KAZN: variants seen among roughly 807,000 people sequenced by gnomAD.
KAZN encodes kazrin, periplakin interacting protein, also known as kazrin.
In KAZN, 40 loss-of-function variants were observed where a neutral mutation model predicts 87.4. The ratio of observed to expected loss-of-function variants is 0.46; its 90% confidence interval spans 0.36 to 0.60. The LOEUF (loss-of-function observed/expected upper bound fraction) is 0.60. KAZN is among the 20% of genes least tolerant of loss of function. KAZN has a pLI of 0.00. For synonymous variants in KAZN, 466 were observed against 458.3 expected, an observed-to-expected ratio of 1.02 and a Z score of -0.22; for missense variants, 898 against 1,073.9, an observed-to-expected ratio of 0.84 and a Z score of 2.29.
intron 1 of KAZN, among the ~76,000 whole-genome samples, chr1:14,608,744 A>G (rs1313495468): frequency 1.3e-5 from 2 of 152,234 alleles, no homozygotes; most frequent in Non-Finnish European, 2.9e-5. Context: ...GCATACCTGC[A>G]TCTTTTAAAG....
At chr1:14,242,489 C>T (rs566287026) in intron 2 of KAZN, among the ~76,000 whole-genome samples, 8 of 152,202 alleles carry the variant, frequency 5.3e-5, no homozygotes, top group African/African-American at 1.7e-4. Flanking sequence ...ATTTGAACAA[C>T]AAATATATAT....
chr1:14,981,509 A>G (rs940834759), intron 2 of KAZN, among the ~76,000 whole-genome samples: 9 of 152,258 alleles, frequency 5.9e-5, no homozygotes, highest in Non-Finnish European at 1.2e-4. Flanking sequence ...ATGCAACCCC[A>G]TAGCCTGGTG....
At chr1:14,384,140 G>A (rs1280070195) in intron 2 of KAZN, among the ~76,000 whole-genome samples, 2 of 150,474 alleles carry the variant, frequency 1.3e-5, no homozygotes, top group Non-Finnish European at 3.0e-5. Context: ...GTATAAGAAT[G>A]CTTGTGATTT....
At chr1:14,107,046 T>C (rs551774350) in intron 1 of KAZN, among the ~76,000 whole-genome samples, 5 of 115,552 alleles carry the variant, frequency 4.3e-5, no homozygotes, top group South Asian at 3.6e-4. Flanking sequence ...TCCCTTCCTT[T>C]CTTCCTTCCT....
chr1:14,329,787 C>G, intron 2 of KAZN, among the ~76,000 whole-genome samples: 1 of 152,204 alleles, frequency 6.6e-6, no homozygotes, highest in East Asian at 1.9e-4. Context: ...AAAAGATAAG[C>G]CCGAGCTGAG....
chr1:14,552,918 A>T (rs1438473808), intron 2 of KAZN, among the ~76,000 whole-genome samples: 1 of 152,168 alleles, frequency 6.6e-6, no homozygotes, highest in Non-Finnish European at 1.5e-5. Flanking sequence ...TGGTGGGGAC[A>T]GCAGCAGACT....
intron 1 of KAZN, among the ~76,000 whole-genome samples, chr1:14,797,313 T>C (rs10927551): frequency 6.6e-6 from 1 of 151,890 alleles, no homozygotes; most frequent in Non-Finnish European, 1.5e-5. Flanking sequence ...CGCCTGCCTC[T>C]GCCTCCCAAA....
At chr1:14,663,460 T>C (rs1300468035) in intron 1 of KAZN, among the ~76,000 whole-genome samples, 1 of 152,194 alleles carries the variant, frequency 6.6e-6, no homozygotes, top group Non-Finnish European at 1.5e-5. Flanking sequence ...ATCCCTTCTC[T>C]CTTTAACCCA....
At chr1:14,666,887 C>T (rs1321054324) in intron 1 of KAZN, among the ~76,000 whole-genome samples, 1 of 152,164 alleles carries the variant, frequency 6.6e-6, no homozygotes, top group Non-Finnish European at 1.5e-5. Flanking sequence ...AGGCGTGCGC[C>T]ACCACACCCA....
chr1:14,755,359 C>T (rs899691629), intron 1 of KAZN, among the ~76,000 whole-genome samples: 5 of 152,318 alleles, frequency 3.3e-5, no homozygotes, highest in Non-Finnish European at 5.9e-5. Flanking sequence ...GACCCCACTC[C>T]ACCCCAGAGG....
At chr1:14,310,917 C>A (rs1427171036) in intron 2 of KAZN, among the ~76,000 whole-genome samples, 1 of 152,158 alleles carries the variant, frequency 6.6e-6, no homozygotes, top group Non-Finnish European at 1.5e-5. Context: ...CAAAGGAAGC[C>A]CACAACAATG....
intron 1 of KAZN, among the ~76,000 whole-genome samples, chr1:13,978,064 G>T (rs1226850566): frequency 1.5e-5 from 2 of 137,920 alleles, no homozygotes; most frequent in African/African-American, 2.8e-5. Context: ...GGAGGCGGAG[G>T]TTGCAGTGAG....
intron 1 of KAZN, among the ~76,000 whole-genome samples, chr1:14,947,277 G>A (rs1661929257): frequency 6.6e-6 from 1 of 152,176 alleles, no homozygotes; most frequent in Non-Finnish European, 1.5e-5. Flanking sequence ...TTCCTCAAGG[G>A]TGGGGAAGAG....
chr1:14,402,219 T>C (rs1480187097), intron 2 of KAZN, among the ~76,000 whole-genome samples: 2 of 150,408 alleles, frequency 1.3e-5, no homozygotes, highest in Non-Finnish European at 3.0e-5. Context: ...TTTAAAAAAA[T>C]TTGTAAGTTT....
At chr1:14,246,954 C>T (rs189978824) in intron 2 of KAZN, among the ~76,000 whole-genome samples, 6 of 152,078 alleles carry the variant, frequency 3.9e-5, no homozygotes, top group Admixed American at 1.3e-4. Context: ...CAGCTCATGC[C>T]GAATTATTTT....
At chr1:14,454,163 G>T (rs1667436608) in intron 2 of KAZN, among the ~76,000 whole-genome samples, 2 of 152,214 alleles carry the variant, frequency 1.3e-5, no homozygotes, top group African/African-American at 4.8e-5. Flanking sequence ...GGAGCTAGGA[G>T]AAAGAGATAT....
At chr1:14,682,610 C>T (rs1640735903) in intron 1 of KAZN, among the ~76,000 whole-genome samples, 1 of 151,988 alleles carries the variant, frequency 6.6e-6, no homozygotes, top group South Asian at 2.1e-4. Context: ...TTTTTTAAGG[C>T]AGAGTAATAT....
chr1:14,409,485 A>T (rs140273542), intron 2 of KAZN, among the ~76,000 whole-genome samples: 2 of 152,324 alleles, frequency 1.3e-5, no homozygotes, highest in Admixed American at 1.3e-4. Flanking sequence ...GAAAATTCAT[A>T]CCAAGAACTT....
At chr1:14,311,087 G>A (rs552797669) in intron 2 of KAZN, among the ~76,000 whole-genome samples, 9 of 152,330 alleles carry the variant, frequency 5.9e-5, no homozygotes, top group African/African-American at 2.2e-4. Flanking sequence ...TTTGGTAACT[G>A]TGGAGAGAAA....
Sources: allele counts gnomAD v4.1 joint callset (sites outside exome capture counted in the v4.1 genomes callset), GRCh38; gene constraint gnomAD v4.1.1; transcripts MANE v1.5; gene names NCBI Gene and HGNC (gene_info 2026-07-23, HGNC 2026-07-21).